Variants in GPC3 observed in about 807,000 individuals in gnomAD.
GPC3 encodes the protein glypican-3.
GPC3 carries 3 observed loss-of-function variants against 34.4 expected under a neutral mutation model. The ratio of observed to expected loss-of-function variants is 0.09; its 90% confidence interval spans 0.04 to 0.23. The LOEUF (loss-of-function observed/expected upper bound fraction) is 0.23. GPC3 is among the 10% of genes least tolerant of loss of function. The probability of loss-of-function intolerance (pLI) is 1.00; values close to 1 mark genes in which losing one functional copy is unlikely to be tolerated. For synonymous variants in GPC3, 177 were observed against 174.0 expected (o/e 1.02, Z -0.13); for missense variants, 351 against 445.6 (o/e 0.79, Z 1.91).
chrX:133,919,496 A>G (rs1245557947), intron 2 of GPC3, among the ~76,000 whole-genome samples: 1 of 111,480 alleles, frequency 9.0e-6, no homozygotes, highest in Non-Finnish European at 1.9e-5. Context: ...AATTACATAT[A>G]AAAATGGTAA....
intron 2 of GPC3, among the ~76,000 whole-genome samples, chrX:133,858,185 A>G (rs181950759): frequency 8.9e-6 from 1 of 112,089 alleles, no homozygotes; most frequent in Admixed American, 9.4e-5. Flanking sequence ...TATTCCCTAC[A>G]CTTACATCAA....
At chrX:133,684,048 C>T (rs2124422452) in intron 5 of GPC3, among the ~76,000 whole-genome samples, 1 of 112,153 alleles carries the variant, frequency 8.9e-6, no homozygotes, top group Non-Finnish European at 1.9e-5. Context: ...TCCATTTCTC[C>T]TTCAAAGGCT....
intron 2 of GPC3, among the ~76,000 whole-genome samples, chrX:133,875,760 T>C (rs1449759353): frequency 9.0e-6 from 1 of 111,088 alleles, no homozygotes; most frequent in Non-Finnish European, 1.9e-5. Context: ...TAGTGCATGG[T>C]ACTCTGTAGA....
At chrX:133,819,645 T>A (rs1305362919) in intron 2 of GPC3, among the ~76,000 whole-genome samples, 3 of 111,140 alleles carry the variant, frequency 2.7e-5, no homozygotes, top group African/African-American at 9.8e-5. Flanking sequence ...AGAATAAACA[T>A]GGGTCTTTGA....
rs552647015 is a variant in GPC3, at chrX:133,646,643, G to A, written c.1413+15087C>T. Among the ~76,000 whole-genome samples the A allele has an allele frequency of 2.7e-5, 3 of 112,300 alleles. No individual in the cohort carries two copies. In the South Asian group the frequency reaches 1.1e-3, roughly 42 times the overall value. ...CAGGCCTCAACAAGCTGAGCTTGGA[G>A]TTGAAAGGAGGCAGCCAAGAAAATG... On this transcript the variant is annotated intron_variant, in intron 6 of 7. Transcript: ENST00000370818.
chrX:133,819,579 T>G (rs2075709364), intron 2 of GPC3, among the ~76,000 whole-genome samples: 1 of 110,940 alleles, frequency 9.0e-6, no homozygotes, highest in Admixed American at 9.6e-5. Flanking sequence ...CATCTATATT[T>G]CTAAGTAATA....
rs556122309 is a variant in GPC3, at chrX:133,807,450, A to T, written c.338-53274T>A. Among the ~76,000 whole-genome samples, 27 of 112,025 alleles carry T rather than the reference A, an allele frequency of 2.4e-4. No individual in the cohort carries two copies. The South Asian group carries it at 8.8e-3, about 36-fold the overall frequency. On this transcript the variant is annotated intron_variant, in intron 2 of 7. Coordinates refer to ENST00000370818, the MANE Select transcript of GPC3 (RefSeq NM_004484.4). ...TCAGTCTCAGGTATTCCTTTATAGT[A>T]ACACAAATGGACTAAGACACCAGGG...
intron 3 of GPC3, among the ~76,000 whole-genome samples, chrX:133,707,420 G>A (rs1186043175): frequency 3.6e-5 from 4 of 111,504 alleles, no homozygotes; most frequent in African/African-American, 1.3e-4. Context: ...TATTTTGTAG[G>A]AGAATCCTGT....
chrX:133,935,641 C>T (rs2076320139), intron 2 of GPC3, among the ~76,000 whole-genome samples: 1 of 111,015 alleles, frequency 9.0e-6, no homozygotes, highest in South Asian at 3.8e-4. Context: ...GAAAATCATT[C>T]GTTTTTCAGT....
intron 7 of GPC3, among the ~76,000 whole-genome samples, chrX:133,566,906 A>C (rs2069586758): frequency 8.9e-6 from 1 of 112,041 alleles, no homozygotes; most frequent in Non-Finnish European, 1.9e-5. Flanking sequence ...AAGCCTTAAC[A>C]TCTGTCCAGA....
intron 2 of GPC3, among the ~76,000 whole-genome samples, chrX:133,780,932 T>A (rs1366578391): frequency 8.9e-6 from 1 of 111,855 alleles, no homozygotes; most frequent in Non-Finnish European, 1.9e-5. Flanking sequence ...CCTTTCTCCA[T>A]GATGGCTTAT....
At chrX:133,816,658 C>T (rs2075692776) in intron 2 of GPC3, among the ~76,000 whole-genome samples, 1 of 111,070 alleles carries the variant, frequency 9.0e-6, no homozygotes, top group South Asian at 3.8e-4. Flanking sequence ...TTTTGCTGGA[C>T]AGGGAAAAGA....
chrX:133,929,209 C>T (rs1443372683), intron 2 of GPC3, among the ~76,000 whole-genome samples: 1 of 112,004 alleles, frequency 8.9e-6, no homozygotes, highest in East Asian at 2.8e-4. Context: ...TATTCTTTCT[C>T]CATTGTGTCC....
intron 6 of GPC3, among the ~76,000 whole-genome samples, chrX:133,623,141 AC>A (rs1055483194): frequency 6.2e-5 from 7 of 112,139 alleles, no homozygotes; most frequent in African/African-American, 2.3e-4. Context: ...GGCCTGCCTT[AC>A]AAGAGCTCCT....
rs142461307 is a variant in GPC3 at position 133,870,553 on chromosome X, C to A, written c.337+82497G>T. Among the ~76,000 whole-genome samples, 1,046 of 111,402 alleles carry A rather than the reference C, an allele frequency of 9.4e-3. 14 individuals are homozygous for A. The highest frequency in any genetic ancestry group is 0.033 in the African/African-American group (991 of 30,414). On this transcript the variant is annotated intron_variant, in intron 2 of 7. Coordinates refer to ENST00000370818, the MANE Select transcript of GPC3 (RefSeq NM_004484.4). ...CCTACTTTCCATTTGTCCCACATTTCCTAAGTCCTAAACCCAATCCTGTCC... is the reference window on the plus strand; with the variant it reads ...CCTACTTTCCATTTGTCCCACATTTACTAAGTCCTAAACCCAATCCTGTCC...
intron 2 of GPC3, among the ~76,000 whole-genome samples, chrX:133,801,705 C>T (rs910635302): frequency 8.9e-6 from 1 of 112,140 alleles, no homozygotes; most frequent in African/African-American, 3.2e-5. Context: ...TACAACAAGA[C>T]ATGTATCAGC....
Position 133,763,312 on chromosome X carries a change from T to G in GPC3, c.338-9136A>C. The G allele has an allele frequency of 7.1e-6, 4 of 562,632 alleles. No homozygotes were observed. The Admixed American group carries it at 8.9e-5, about 13-fold the overall frequency. The allele number at this position is 562,632 out of a possible 1,213,427, so 46.4% of individuals were successfully genotyped here. ...CAACAAGGGAGCTCACTCAGTGGGTTTGATGTGGTGGATGCTGGCTCAGGA... is the reference window on the plus strand; with the variant it reads ...CAACAAGGGAGCTCACTCAGTGGGTGTGATGTGGTGGATGCTGGCTCAGGA... On this transcript the variant is annotated intron_variant, in intron 2 of 7. Transcript: ENST00000370818.
intron 2 of GPC3, among the ~76,000 whole-genome samples, chrX:133,768,476 C>G (rs1285645604): frequency 9.0e-6 from 1 of 111,254 alleles, no homozygotes; most frequent in Non-Finnish European, 1.9e-5. Flanking sequence ...CACTGTACCC[C>G]CTTCTCCCCT....
intron 2 of GPC3, among the ~76,000 whole-genome samples, chrX:133,898,579 A>C (rs2076129810): frequency 8.9e-6 from 1 of 112,155 alleles, no homozygotes; most frequent in Non-Finnish European, 1.9e-5. Flanking sequence ...CAGAAATTCT[A>C]TTCTGTTGAG....
Sources: allele counts gnomAD v4.1 joint callset (sites outside exome capture counted in the v4.1 genomes callset), GRCh38; gene constraint gnomAD v4.1.1; transcripts MANE v1.5; gene names NCBI Gene and HGNC (gene_info 2026-07-23, HGNC 2026-07-21).